The following PRDM16 variants were observed in gnomAD, a reference collection of about 807,000 sequenced individuals.
PRDM16 encodes histone-lysine N-methyltransferase PRDM16.
A neutral mutation model predicts 110.6 loss-of-function variants in PRDM16; 23 were observed. The ratio of observed to expected loss-of-function variants is 0.21; its 90% confidence interval spans 0.15 to 0.29. PRDM16 has a LOEUF of 0.29. PRDM16 is among the 10% of genes least tolerant of loss of function. The pLI is 1.00. For synonymous variants in PRDM16, 799 were observed against 781.8 expected (o/e 1.02, Z -0.37); for missense variants, 1,615 against 1,794.3 (o/e 0.90, Z 1.81).
intron 3 of PRDM16, among the ~76,000 whole-genome samples, chr1:3,280,412 T>C (rs1640688831): frequency 6.6e-6 from 1 of 152,212 alleles, no homozygotes. Flanking sequence ...GTTCTCTGTT[T>C]GCACACAGAG....
At chr1:3,195,108 G>A (rs867434705) in intron 2 of PRDM16, among the ~76,000 whole-genome samples, 1 of 152,198 alleles carries the variant, frequency 6.6e-6, no homozygotes, top group Non-Finnish European at 1.5e-5. Context: ...ACACAGCGTC[G>A]GGATTTGGAG....
At chr1:3,115,893 A>C (rs1384611674) in intron 1 of PRDM16, among the ~76,000 whole-genome samples, 4 of 152,194 alleles carry the variant, frequency 2.6e-5, no homozygotes, top group Admixed American at 2.0e-4. Flanking sequence ...CTCGGGTGTC[A>C]GGAGGCCAGC....
chr1:3,128,133 A>G (rs1384313156), intron 1 of PRDM16: 1 of 154,588 alleles, frequency 6.5e-6, no homozygotes, highest in Non-Finnish European at 1.5e-5. Flanking sequence ...AGAGACAGTC[A>G]TTCTGAGTGT....
intron 16 of PRDM16, among the ~76,000 whole-genome samples, chr1:3,432,950 G>A (rs2100706136): frequency 6.6e-6 from 1 of 152,314 alleles, no homozygotes; most frequent in East Asian, 1.9e-4. Context: ...GAATCCCATT[G>A]GCCCAGAAAC....
In PRDM16 at chr1:3,358,817, C is replaced by T. The variant is rs576885387; in HGVS notation, c.439-26335C>T. ...AGTCACAGTGTGTGATGATTCCTGC[C>T]GGGGAGGAGGGAGCTCATTCCAAAC... On this transcript the variant is annotated intron_variant, in intron 3 of 16. Transcript: ENST00000270722. The surrounding 1 kb of genome is among the most constrained non-coding windows in gnomAD (Gnocchi z 4.0). Among the ~76,000 whole-genome samples the T allele has an allele frequency of 4.6e-5, 7 of 152,244 alleles. No homozygotes were observed. Among genetic ancestry groups the T allele is most frequent in the Non-Finnish European group, 7.4e-5 (5 of 68,020 alleles).
rs548132225 is a variant in PRDM16, at chr1:3,423,061, C to T, written c.2940-2520C>T. Reference sequence around the variant, plus strand: ...AAGAGGCCAGAGTGAGCCTGGCCTCCGGCAAAGGTTGGAAGGTTCAGGAAT... The same window carrying T: ...AAGAGGCCAGAGTGAGCCTGGCCTCTGGCAAAGGTTGGAAGGTTCAGGAAT... On this transcript the variant is annotated intron_variant, in intron 12 of 16. Transcript: ENST00000270722. Among the ~76,000 whole-genome samples, 28 of 152,342 alleles carry T rather than the reference C, an allele frequency of 1.8e-4. 1 individual carries two copies. Among genetic ancestry groups the T allele is most frequent in the East Asian group, 1.5e-3 (8 of 5,180 alleles).
chr1:3,360,939 C>T (rs976608392), intron 3 of PRDM16, among the ~76,000 whole-genome samples: 6 of 152,174 alleles, frequency 3.9e-5, no homozygotes, highest in Non-Finnish European at 5.9e-5. Context: ...CGTCCCGCGG[C>T]GGGAACGAGG....
intron 1 of PRDM16, among the ~76,000 whole-genome samples, chr1:3,112,313 C>G (rs1251157073): frequency 6.6e-6 from 1 of 152,208 alleles, no homozygotes; most frequent in Admixed American, 6.5e-5. Context: ...CCCACTTATA[C>G]GAAATGATGA....
intron 1 of PRDM16, among the ~76,000 whole-genome samples, chr1:3,183,040 G>A (rs1461069756): frequency 1.3e-5 from 2 of 152,220 alleles, no homozygotes; most frequent in East Asian, 1.9e-4. Context: ...CCCAAATAAA[G>A]GATGTCAGGT....
At chr1:3,343,627 G>C (rs955891699) in intron 3 of PRDM16, among the ~76,000 whole-genome samples, 1 of 151,480 alleles carries the variant, frequency 6.6e-6, no homozygotes, top group African/African-American at 2.4e-5. Context: ...TCAGCTTTTG[G>C]TTTTTGTTTT....
At chr1:3,185,663 A>G (rs2100796538) in intron 1 of PRDM16, among the ~76,000 whole-genome samples, 1 of 152,332 alleles carries the variant, frequency 6.6e-6, no homozygotes, top group East Asian at 1.9e-4. Context: ...TTCCAAGGCT[A>G]TAGAGGACAT....
chr1:3,091,014 G>A (rs1642263994), intron 1 of PRDM16, among the ~76,000 whole-genome samples: 1 of 152,122 alleles, frequency 6.6e-6, no homozygotes, highest in Admixed American at 6.5e-5. Context: ...GTTTCTCCCC[G>A]CAAGTCTGCC....
At chr1:3,403,424 C>A (rs566449428) in intron 6 of PRDM16, among the ~76,000 whole-genome samples, 2 of 152,354 alleles carry the variant, frequency 1.3e-5, no homozygotes, top group African/African-American at 4.8e-5. Context: ...GTGGCAGCAC[C>A]CACCACCAAG....
At chr1:3,391,912 C>T (rs1175705589) in intron 4 of PRDM16, among the ~76,000 whole-genome samples, 2 of 152,262 alleles carry the variant, frequency 1.3e-5, no homozygotes, top group African/African-American at 4.8e-5. Flanking sequence ...GCTGCCCCTG[C>T]TGGCGCTTAG....
chr1:3,140,286 C>A (rs1217283427), intron 1 of PRDM16, among the ~76,000 whole-genome samples: 1 of 152,188 alleles, frequency 6.6e-6, no homozygotes, highest in African/African-American at 2.4e-5. Flanking sequence ...TGGCCTCAGC[C>A]CAGGGACAGC....
chr1:3,153,204 T>G (rs962790597), intron 1 of PRDM16, among the ~76,000 whole-genome samples: 2 of 152,182 alleles, frequency 1.3e-5, no homozygotes, highest in Non-Finnish European at 2.9e-5. Context: ...TCCTCACCCC[T>G]GTAGCTCCGT....
chr1:3,276,012 C>T (rs539041246), intron 3 of PRDM16, among the ~76,000 whole-genome samples: 172 of 152,356 alleles, frequency 1.1e-3, no homozygotes, highest in Non-Finnish European at 2.1e-3. Flanking sequence ...GTCTCTCTCA[C>T]GCCGTGGGTG....
At chr1:3,105,678 G>A (rs72846072) in intron 1 of PRDM16, among the ~76,000 whole-genome samples, 1,580 of 152,320 alleles carry the variant, frequency 0.01, 17 homozygotes, top group African/African-American at 0.035. Flanking sequence ...TGCATTCCTC[G>A]GGCAGGCTCT....
chr1:3,284,370 A>AG (rs891896138), intron 3 of PRDM16, among the ~76,000 whole-genome samples: 18 of 152,120 alleles, frequency 1.2e-4, no homozygotes, highest in Admixed American at 8.5e-4. Flanking sequence ...ATTTATCTGG[A>AG]GGGGGAGGGA....
Sources: gnomAD v4.1 joint callset for allele counts (sites outside exome capture counted in the v4.1 genomes callset) on GRCh38, gnomAD v4.1.1 for gene constraint, Gnocchi (gnomAD v3.1) non-coding constraint, MANE v1.5 for transcripts, NCBI Gene and HGNC (gene_info 2026-07-23, HGNC 2026-07-21) for gene names.